The following LPAR1 variants were observed in gnomAD, a reference collection of about 807,000 sequenced individuals.
LPAR1 encodes the protein lysophosphatidic acid receptor 1.
A neutral mutation model predicts 23.8 loss-of-function variants in LPAR1; 5 were observed. That is an observed-to-expected ratio of 0.21 (90% CI 0.11 to 0.44). The LOEUF (loss-of-function observed/expected upper bound fraction) is 0.44. Among genes scored for constraint, LPAR1 ranks in the 20% least tolerant of loss-of-function variants. The pLI is 0.99. For synonymous variants in LPAR1, 160 were observed against 164.7 expected (o/e 0.97, Z 0.22); for missense variants, 311 against 482.8 (o/e 0.64, Z 3.33).
intron 5 of LPAR1, among the ~76,000 whole-genome samples, chr9:110,908,232 A>T (rs1381223025): frequency 1.3e-5 from 2 of 150,810 alleles, no homozygotes. Context: ...ATTTTAAAAT[A>T]TTTTACTTAA....
At chr9:110,900,804 A>G (rs1195227848) in intron 5 of LPAR1, among the ~76,000 whole-genome samples, 2 of 152,116 alleles carry the variant, frequency 1.3e-5, no homozygotes, top group Non-Finnish European at 2.9e-5. Flanking sequence ...TTTCTTTTAG[A>G]TTTATCTCAA....
intron 4 of LPAR1, among the ~76,000 whole-genome samples, chr9:110,970,211 C>T (rs191703291): frequency 1.3e-5 from 2 of 152,242 alleles, no homozygotes; most frequent in Admixed American, 1.3e-4. Flanking sequence ...CAGCAGCAAA[C>T]CGGGATGTGG....
Position 110,941,380 on chromosome 9 carries a change from T to C in LPAR1, c.793+41A>G, listed in dbSNP as rs752906250. The C allele has an allele frequency of 3.9e-6, 6 of 1,542,754 alleles. No individual in the cohort carries two copies. The East Asian group carries it at 1.4e-4, about 35-fold the overall frequency. ...AAATAATGTGGTTTATGTTAGTCAC[T>C]GAGAATCTATAAAGTAAGTTACAGT... On this transcript the variant is annotated intron_variant, in intron 5 of 5. Coordinates refer to ENST00000683809, the MANE Select transcript of LPAR1 (RefSeq NM_001351411.2). The surrounding 1 kb of genome is among the most constrained non-coding windows in gnomAD (Gnocchi z 6.1).
At chr9:111,027,332 AT>A (rs1247225691) in intron 2 of LPAR1, among the ~76,000 whole-genome samples, 1 of 152,002 alleles carries the variant, frequency 6.6e-6, no homozygotes, top group Non-Finnish European at 1.5e-5. Flanking sequence ...TACCCAAAAA[AT>A]AAATAAATAA....
At chr9:110,930,984 T>C (rs2094378679) in intron 5 of LPAR1, among the ~76,000 whole-genome samples, 1 of 152,182 alleles carries the variant, frequency 6.6e-6, no homozygotes, top group Non-Finnish European at 1.5e-5. Flanking sequence ...GTAAATATTG[T>C]CTGACAATTC....
At chr9:110,993,938 G>A (rs1482368712) in intron 2 of LPAR1, among the ~76,000 whole-genome samples, 5 of 152,084 alleles carry the variant, frequency 3.3e-5, no homozygotes, top group Non-Finnish European at 7.4e-5. Flanking sequence ...AAAGGAATCC[G>A]TAAGTTCATT....
intron 5 of LPAR1, among the ~76,000 whole-genome samples, chr9:110,936,625 A>C (rs3780523): frequency 0.23 from 34,831 of 152,170 alleles, 4,529 homozygotes; most frequent in Admixed American, 0.3. Context: ...CAGAGAATGT[A>C]AGACATAAGG....
chr9:110,959,365 C>T (rs1466770565), intron 4 of LPAR1, among the ~76,000 whole-genome samples: 1 of 151,880 alleles, frequency 6.6e-6, no homozygotes, highest in African/African-American at 2.4e-5. Flanking sequence ...GGCATCATTT[C>T]AGCACTTTAG....
At chr9:110,886,098 T>C (rs2132846621) in intron 5 of LPAR1, among the ~76,000 whole-genome samples, 1 of 151,840 alleles carries the variant, frequency 6.6e-6, no homozygotes, top group South Asian at 2.1e-4. Flanking sequence ...CTCCGGAGTC[T>C]ACGGCAGGAG....
At chr9:110,994,043 T>C (rs1463928146) in intron 2 of LPAR1, among the ~76,000 whole-genome samples, 2 of 152,116 alleles carry the variant, frequency 1.3e-5, no homozygotes, top group South Asian at 2.1e-4. Context: ...AAATAATAAC[T>C]GTACAGTAAA....
At chr9:110,881,926 C>G (rs1481371213) in intron 5 of LPAR1, among the ~76,000 whole-genome samples, 1 of 152,200 alleles carries the variant, frequency 6.6e-6, no homozygotes, top group African/African-American at 2.4e-5. Flanking sequence ...TCTTTCCACT[C>G]GCTCCTCATT....
intron 4 of LPAR1, among the ~76,000 whole-genome samples, chr9:110,944,390 A>C (rs1229990236): frequency 6.6e-6 from 1 of 152,238 alleles, no homozygotes; most frequent in Non-Finnish European, 1.5e-5. Context: ...TAATAAATTA[A>C]AGATATTTCC....
At chr9:110,986,352 C>T (rs2096780680) in intron 2 of LPAR1, among the ~76,000 whole-genome samples, 1 of 152,060 alleles carries the variant, frequency 6.6e-6, no homozygotes, top group Non-Finnish European at 1.5e-5. Flanking sequence ...ACTCTTCCAA[C>T]CACAGATGAG....
intron 5 of LPAR1, among the ~76,000 whole-genome samples, chr9:110,889,510 A>T (rs189922207): frequency 3.7e-4 from 57 of 152,350 alleles, no homozygotes; most frequent in Non-Finnish European, 5.7e-4. Flanking sequence ...AGATAATTTT[A>T]AAAAATTCTA....
At chr9:110,895,307 A>G (rs2085927059) in intron 5 of LPAR1, among the ~76,000 whole-genome samples, 1 of 152,224 alleles carries the variant, frequency 6.6e-6, no homozygotes, top group Admixed American at 6.5e-5. Flanking sequence ...TTGCATAGCC[A>G]GAACAGCTGC....
chr9:110,916,098 A>T (rs1453342341), intron 5 of LPAR1, among the ~76,000 whole-genome samples: 4 of 152,242 alleles, frequency 2.6e-5, no homozygotes, highest in Non-Finnish European at 5.9e-5. Flanking sequence ...ATTTAAATGC[A>T]TGTATACACA....
At chr9:110,988,942 T>C (rs929269695) in intron 2 of LPAR1, among the ~76,000 whole-genome samples, 2 of 152,180 alleles carry the variant, frequency 1.3e-5, no homozygotes, top group African/African-American at 4.8e-5. Context: ...CAATGGAATA[T>C]TATTGAGCAG....
intron 2 of LPAR1, among the ~76,000 whole-genome samples, chr9:111,028,234 G>C (rs1195032519): frequency 6.6e-6 from 1 of 151,744 alleles, no homozygotes; most frequent in African/African-American, 2.4e-5. Flanking sequence ...GGGTTCAAGA[G>C]AGCACATCCA....
rs2097935013 is a variant in LPAR1, at chr9:111,038,228, G to C, written c.-323C>G. On this transcript the variant is annotated 5_prime_UTR_variant, in exon 1 of 6. Coordinates refer to ENST00000683809, the MANE Select transcript of LPAR1 (RefSeq NM_001351411.2). This position sits in a 1 kb window ranked among gnomAD's most constrained non-coding sequence, Gnocchi z 4.4. ...CCCCCGGGCTGGCTTCAGGCCGCGC[G>C]CCCAGTCCCGGCGGCCCCCGCCCCA... is the stretch of plus-strand genomic sequence containing the variant. The C allele has an allele frequency of 1.3e-5, 2 of 148,622 alleles. No homozygotes were observed. Among genetic ancestry groups the C allele is most frequent in the Admixed American group, 6.7e-5 (1 of 14,944 alleles). The allele number at this position is 148,622 out of a possible 1,614,324, so 9.2% of individuals were successfully genotyped here. A position where few individuals can be genotyped will look rare whatever the true frequency, so the allele number is the denominator to read the frequency against.
Sources: gnomAD v4.1 joint callset for allele counts (sites outside exome capture counted in the v4.1 genomes callset) on GRCh38, gnomAD v4.1.1 for gene constraint, Gnocchi (gnomAD v3.1) non-coding constraint, MANE v1.5 for transcripts, NCBI Gene and HGNC (gene_info 2026-07-23, HGNC 2026-07-21) for gene names.